UNK: variants seen among roughly 807,000 people sequenced by gnomAD.
UNK encodes the protein unk zinc finger.
In UNK, 32 loss-of-function variants were observed where a neutral mutation model predicts 97.6. The observed-to-expected ratio is 0.33, with a 90% CI of 0.25 to 0.44. The LOEUF (loss-of-function observed/expected upper bound fraction) is 0.44, where lower values mean the gene tolerates loss of function less well. Ranked by LOEUF, UNK falls within the 20% of genes least tolerant of loss-of-function variation. The pLI is 1.00. For missense variants in UNK, 771 were observed against 1,098.4 expected, an observed-to-expected ratio of 0.70 and a Z score of 4.21; for synonymous variants, 441 against 461.2, an observed-to-expected ratio of 0.96 and a Z score of 0.56.
chr17:75,820,680 TAGA>T (rs1161165215), intron 13 of UNK, among the ~76,000 whole-genome samples: 2 of 152,294 alleles, frequency 1.3e-5, no homozygotes, highest in South Asian at 2.1e-4. Flanking sequence ...GTTTAGTGGC[TAGA>T]AGAATGGCAC....
intron 13 of UNK, chr17:75,821,652 G>A (rs1382712659): frequency 2.2e-6 from 1 of 456,712 alleles, no homozygotes; most frequent in Non-Finnish European, 4.4e-6. Flanking sequence ...ATCCTGGTTG[G>A]ATTAGTGGGA....
intron 1 of UNK, chr17:75,792,103 C>A: frequency 1.0e-6 from 1 of 973,074 alleles, no homozygotes; most frequent in Non-Finnish European, 1.2e-6. Context: ...CAGCACAGCA[C>A]ACATCTGCAG....
In UNK at chr17:75,809,919, C is replaced by T; in HGVS notation, c.264C>T (p.Val88=). 1 of 1,613,832 alleles carries T rather than the reference C, an allele frequency of 6.2e-7. No homozygotes were observed. Among genetic ancestry groups the T allele is most frequent in the Non-Finnish European group, 8.5e-7 (1 of 1,179,904 alleles). Residue 88 remains valine, a synonymous_variant, in exon 2 of 16, where the codon GTC becomes GTT. Coordinates refer to ENST00000589666, the MANE Select transcript of UNK (RefSeq NM_001080419.3). ...RDGTFNYSPD[V]YCTKYDEATG... Reference sequence around the variant, plus strand: ...GCACCTTCAATTACAGCCCTGACGTCTACTGCACCAAGTACGACGAGGCTA... The same window carrying T: ...GCACCTTCAATTACAGCCCTGACGTTTACTGCACCAAGTACGACGAGGCTA...
intron 1 of UNK, among the ~76,000 whole-genome samples, chr17:75,806,505 G>A (rs1254434829): frequency 6.6e-6 from 1 of 151,404 alleles, no homozygotes; most frequent in Non-Finnish European, 1.5e-5. Flanking sequence ...CGGGCGCGGT[G>A]GCTCACGCCT....
At chr17:75,796,406 A>G (rs1487358931) in intron 1 of UNK, among the ~76,000 whole-genome samples, 3 of 151,232 alleles carry the variant, frequency 2.0e-5, no homozygotes, top group East Asian at 1.9e-4. Flanking sequence ...GCAGCCTTGA[A>G]CTCCTGGGCT....
chr17:75,788,411 C>T (rs111762216), intron 1 of UNK, among the ~76,000 whole-genome samples: 9 of 152,312 alleles, frequency 5.9e-5, no homozygotes, highest in African/African-American at 1.9e-4. Context: ...AACTCCTAAC[C>T]TCGTGATCCG....
At position 75,812,102 on chromosome 17, in the gene UNK, C is replaced by T. The variant is rs748084096; in HGVS notation, c.315-10C>T. 5.0e-6 allele frequency: 8 copies of T among 1,588,682 alleles called. No homozygotes were observed. The highest frequency in any genetic ancestry group is 1.1e-5 in the South Asian group (1 of 87,680). On this transcript the variant is annotated splice_polypyrimidine_tract_variant and intron_variant, in intron 2 of 15. Transcript: ENST00000589666. ...AGCAAAGTTGAGTGACCCCCACTACCGTGTTCCAGGTGCCCATTCCTGCAC... is the reference window on the plus strand; with the variant it reads ...AGCAAAGTTGAGTGACCCCCACTACTGTGTTCCAGGTGCCCATTCCTGCAC...
chr17:75,819,830 T>C lies in UNK; in HGVS notation c.1648+45T>C. 1 of 1,611,586 alleles carries C rather than the reference T, an allele frequency of 6.2e-7. No homozygotes were observed. The highest frequency in any genetic ancestry group is 8.5e-7 in the Non-Finnish European group (1 of 1,178,636). Reference sequence around the variant, plus strand: ...AGGGCAGCCTGGAGGACTCCTCGGGTTCCTGCCTGGCTCAGGCCCCTTGCT... The same window carrying C: ...AGGGCAGCCTGGAGGACTCCTCGGGCTCCTGCCTGGCTCAGGCCCCTTGCT... On this transcript the variant is annotated intron_variant, in intron 12 of 15. Coordinates refer to ENST00000589666, the MANE Select transcript of UNK (RefSeq NM_001080419.3). This position sits in a 1 kb window ranked among gnomAD's most constrained non-coding sequence, Gnocchi z 5.4.
In UNK at chr17:75,793,560, C is replaced by T; in HGVS notation, c.104+8576C>T. On this transcript the variant is annotated intron_variant, in intron 1 of 15. Transcript: ENST00000589666. ...AGGTGACCTTTTTTCCTGTTGGTGG[C>T]TCAATTTCTTTAGGACATAAAGAAG... 3 of 985,192 alleles carry T rather than the reference C, an allele frequency of 3.0e-6. No individual in the cohort carries two copies. In the South Asian group the frequency reaches 1.4e-4, roughly 46 times the overall value. 61.0% of individuals were successfully genotyped at this position (985,192 alleles called of 1,614,324 possible). A position where few individuals can be genotyped will look rare whatever the true frequency, so the allele number is the denominator to read the frequency against.
chr17:75,801,075 T>C (rs1474887003), intron 1 of UNK, among the ~76,000 whole-genome samples: 1 of 151,782 alleles, frequency 6.6e-6, no homozygotes, highest in Non-Finnish European at 1.5e-5. Flanking sequence ...GGCTAATTTT[T>C]TGTATTTTTA....
intron 1 of UNK, chr17:75,791,644 T>C: frequency 1.4e-6 from 1 of 717,372 alleles, no homozygotes; most frequent in Non-Finnish European, 1.7e-6. Flanking sequence ...CGTTAAGTGT[T>C]AAGTGCCCTT....
chr17:75,821,398 G>A (rs2062066617), intron 13 of UNK: 1 of 456,178 alleles, frequency 2.2e-6, no homozygotes. Context: ...AATCATAGAG[G>A]GGCCTACCTG....
intron 1 of UNK, among the ~76,000 whole-genome samples, chr17:75,796,249 T>C (rs370224936): frequency 6.6e-6 from 1 of 152,068 alleles, no homozygotes; most frequent in African/African-American, 2.4e-5. Context: ...TAAATCAGGA[T>C]CACTTTAGAA....
chr17:75,815,747 A>G (rs1288825799), intron 7 of UNK, among the ~76,000 whole-genome samples: 3 of 152,150 alleles, frequency 2.0e-5, no homozygotes, highest in Non-Finnish European at 4.4e-5. Flanking sequence ...TAAGCTGGGC[A>G]TGGTGGCACA....
intron 1 of UNK, among the ~76,000 whole-genome samples, chr17:75,800,022 G>A (rs190629938): frequency 1.3e-5 from 2 of 150,776 alleles, no homozygotes; most frequent in Admixed American, 1.3e-4. Context: ...CGGCTTGCAT[G>A]CCAAATCCAG....
chr17:75,817,288 G>T lies in UNK; in HGVS notation c.1105-38G>T. 6.5e-7 allele frequency: 1 copy of T among 1,528,874 alleles called. No individual in the cohort carries two copies. The highest frequency in any genetic ancestry group is 8.8e-7 in the Non-Finnish European group (1 of 1,136,962). 94.7% of individuals were successfully genotyped at this position (1,528,874 alleles called of 1,614,324 possible). ...GATGGGCCACGCACCAGCCTGCGCT[G>T]TGCCCACGGGCCCACTCCCTCCCCT... On this transcript the variant is annotated intron_variant, in intron 8 of 15. Coordinates refer to ENST00000589666, the MANE Select transcript of UNK (RefSeq NM_001080419.3). This position sits in a 1 kb window ranked among gnomAD's most constrained non-coding sequence, Gnocchi z 5.8.
Position 75,818,033 on chromosome 17 carries a change from C to A in UNK, c.1306-70C>A. On this transcript the variant is annotated intron_variant, in intron 9 of 15. Coordinates refer to ENST00000589666, the MANE Select transcript of UNK (RefSeq NM_001080419.3). This position sits in a 1 kb window ranked among gnomAD's most constrained non-coding sequence, Gnocchi z 5.1. ...ACCACCTGCCCCCTGGTACCTGCAG[C>A]CTCAGGGTCAGATGGACTCAGGGAC... The A allele has an allele frequency of 6.6e-7, 1 of 1,508,046 alleles. No individual in the cohort carries two copies. Among genetic ancestry groups the A allele is most frequent in the Non-Finnish European group, 9.2e-7 (1 of 1,087,600 alleles). The allele number at this position is 1,508,046 out of a possible 1,614,324, so 93.4% of individuals were successfully genotyped here.
intron 1 of UNK, among the ~76,000 whole-genome samples, chr17:75,803,661 C>T (rs1416631640): frequency 2.6e-5 from 4 of 152,158 alleles, no homozygotes; most frequent in Admixed American, 6.6e-5. Flanking sequence ...GAACTCTTAG[C>T]ATCAGTAATT....
chr17:75,808,646 T>A (rs1209491125), intron 1 of UNK, among the ~76,000 whole-genome samples: 1 of 152,120 alleles, frequency 6.6e-6, no homozygotes, highest in African/African-American at 2.4e-5. Flanking sequence ...TGACTTCTGT[T>A]CCCTTCATGC....
Sources: gnomAD v4.1 joint callset for allele counts (sites outside exome capture counted in the v4.1 genomes callset) on GRCh38, gnomAD v4.1.1 for gene constraint, Gnocchi (gnomAD v3.1) non-coding constraint, MANE v1.5 for transcripts, NCBI Gene and HGNC (gene_info 2026-07-23, HGNC 2026-07-21) for gene names.